SPOUT1: variants seen among roughly 807,000 people sequenced by gnomAD.
SPOUT1 encodes SPOUT domain containing methyltransferase 1.
Under a neutral mutation model 54.8 loss-of-function variants are expected in SPOUT1, and 40 were observed. That is an observed-to-expected ratio of 0.73 (90% CI 0.57 to 0.95). The LOEUF is 0.95. SPOUT1 is among the 40% of genes least tolerant of loss of function. SPOUT1 has a pLI of 0.00. For synonymous variants in SPOUT1, 193 were observed against 200.3 expected (o/e 0.96, Z 0.31); for missense variants, 437 against 499.5 (o/e 0.87, Z 1.19).
chr9:128,820,615 T>C lies in SPOUT1; in HGVS notation c.*2150A>G. 1 of 768,792 alleles carries C rather than the reference T, an allele frequency of 1.3e-6. No individual in the cohort carries two copies. Among genetic ancestry groups the C allele is most frequent in the Non-Finnish European group, 2.2e-6 (1 of 462,710 alleles). The allele number at this position is 768,792 out of a possible 1,614,324, so 47.6% of individuals were successfully genotyped here. A position where few individuals can be genotyped will look rare whatever the true frequency, so the allele number is the denominator to read the frequency against. ...TGACTTTCATTCCTTGAGCCTCAGT[T>C]TCCCCCCGCTTGTCTCACTGGATAT... On this transcript the variant is annotated 3_prime_UTR_variant, in exon 12 of 12. Coordinates refer to ENST00000361256, the MANE Select transcript of SPOUT1 (RefSeq NM_016390.4).
chr9:128,823,579 C>T lies in SPOUT1; in HGVS notation c.1062+168G>A, dbSNP rs573699150. Among the ~76,000 whole-genome samples the T allele has an allele frequency of 2.0e-5, 3 of 152,276 alleles. No homozygotes were observed. In the South Asian group the frequency reaches 6.2e-4, roughly 32 times the overall value. ...ACTAGCACCCATGGTTGACTCCCAG[C>T]TACACTCATGTCTCGTCGCTGTGGC... On this transcript the variant is annotated intron_variant, in intron 11 of 11. Coordinates refer to ENST00000361256, the MANE Select transcript of SPOUT1 (RefSeq NM_016390.4).
chr9:128,823,518 C>A (rs1478344060), intron 11 of SPOUT1, among the ~76,000 whole-genome samples: 1 of 152,118 alleles, frequency 6.6e-6, no homozygotes, highest in Non-Finnish European at 1.5e-5. Context: ...TGGGCAGGGC[C>A]CCCTGGGTCA....
rs1229083175 is a variant in SPOUT1, at chr9:128,829,159, G to C, written c.37-4C>G. The C allele has an allele frequency of 5.0e-6, 8 of 1,613,460 alleles. No individual in the cohort carries two copies. Among genetic ancestry groups the C allele is most frequent in the Non-Finnish European group, 6.8e-6 (8 of 1,179,386 alleles). Reference sequence around the variant, plus strand: ...CAATCCTTTGGCCGTGTTCACCCTGGAGAAGGAGTGGTAGGAGGATTATGA... The same window carrying C: ...CAATCCTTTGGCCGTGTTCACCCTGCAGAAGGAGTGGTAGGAGGATTATGA... On this transcript the variant is annotated splice_polypyrimidine_tract_variant and splice_region_variant and intron_variant, in intron 1 of 11. Transcript: ENST00000361256.
intron 3 of SPOUT1, 60 bp from the exon 4 acceptor site, chr9:128,827,251 T>G: frequency 6.7e-7 from 1 of 1,484,014 alleles, no homozygotes; most frequent in Non-Finnish European, 9.2e-7. Context: ...TACCTTTCTC[T>G]CCCTTCCTCT....
chr9:128,824,946 C>T, intron 8 of SPOUT1, 31 bp downstream of exon 8: 2 of 1,604,898 alleles, frequency 1.2e-6, no homozygotes, highest in Non-Finnish European at 1.7e-6. Context: ...CTCATCAGGC[C>T]AACCCAGGGG....
Position 128,824,789 on chromosome 9 carries a change from G to A in SPOUT1, c.793C>T (p.Arg265Ter), listed in dbSNP as rs1450400943. 3.1e-6 allele frequency: 5 copies of A among 1,613,150 alleles called. No individual in the cohort carries two copies. Among genetic ancestry groups the A allele is most frequent in the Non-Finnish European group, 3.4e-6 (4 of 1,179,134 alleles). The change falls in exon 9 of 12, where the codon CGA becomes TGA. Residue 265 changes from arginine to a stop codon, truncating the protein, a stop_gained. Transcript: ENST00000361256. LOFTEE classifies it high-confidence loss of function. The stretch of plus-strand genomic sequence containing the variant: ...TCCTTACTGAGGCAGGAAGCCAGTC[G>A]GACGGTGTAGCCCCAGTAGAGACCA... ...KAGLYWGYTV[R>*]LASCLSAVFA...
intron 9 of SPOUT1, among the ~76,000 whole-genome samples, chr9:128,824,388 G>A (rs1830196845): frequency 6.6e-6 from 1 of 151,942 alleles, no homozygotes; most frequent in Non-Finnish European, 1.5e-5. Context: ...AGCAGGGGTG[G>A]GTAGAGCTGT....
At position 128,829,012 on chromosome 9, in the gene SPOUT1, A is replaced by G. The variant is rs1486867482; in HGVS notation, c.82+98T>C. 1.0e-5 allele frequency: 15 copies of G among 1,495,334 alleles called. No homozygotes were observed. The South Asian group carries it at 1.5e-4, about 15-fold the overall frequency. 92.6% of individuals were successfully genotyped at this position (1,495,334 alleles called of 1,614,324 possible). Reference sequence around the variant, plus strand: ...CCTGCCTCCCCACTTTGTGTGCTGCAGGACCCAGAGGGAACAAAGTTGGTG... The same window carrying G: ...CCTGCCTCCCCACTTTGTGTGCTGCGGGACCCAGAGGGAACAAAGTTGGTG... On this transcript the variant is annotated intron_variant, in intron 2 of 11. Transcript: ENST00000361256.
At chr9:128,827,318 A>G in intron 3 of SPOUT1, 127 bp from the exon 4 acceptor site, 1 of 812,588 alleles carries the variant, frequency 1.2e-6, no homozygotes, top group East Asian at 2.7e-5. Flanking sequence ...TGAGATGAGC[A>G]AAATAGATCC....
chr9:128,828,641 T>C, intron 3 of SPOUT1, 94 bp downstream of exon 3: 1 of 1,373,628 alleles, frequency 7.3e-7, no homozygotes, highest in Non-Finnish European at 1.0e-6. Context: ...CCTACTGGTC[T>C]GTAAAGGCCC....
chr9:128,822,949 TTAG>T (rs1217587079), intron 11 of SPOUT1, 116 bp from the exon 12 acceptor site: 4 of 709,774 alleles, frequency 5.6e-6, no homozygotes, highest in South Asian at 5.5e-5. Context: ...TCCCCTGTCC[TTAG>T]TAGGGCCTGG....
In SPOUT1 at chr9:128,829,159, GAGA is replaced by G. The variant is rs768693421; in HGVS notation, c.37-7_37-5del. 2.9e-5 allele frequency: 46 copies of G among 1,613,340 alleles called. No individual in the cohort carries two copies. The highest frequency in any genetic ancestry group is 5.3e-5 in the African/African-American group (4 of 74,932). On this transcript the variant is annotated splice_region_variant and splice_polypyrimidine_tract_variant and intron_variant, in intron 1 of 11. Transcript: ENST00000361256. ...CAATCCTTTGGCCGTGTTCACCCTGGAGAAGGAGTGGTAGGAGGATTATGAGTG... is the reference window on the plus strand; with the variant it reads ...CAATCCTTTGGCCGTGTTCACCCTGGAGGAGTGGTAGGAGGATTATGAGTG...
At chr9:128,827,553 G>C (rs1450047951) in intron 3 of SPOUT1, among the ~76,000 whole-genome samples, 3 of 152,220 alleles carry the variant, frequency 2.0e-5, no homozygotes, top group Admixed American at 6.5e-5. Flanking sequence ...CCATTAACCT[G>C]ATCCCTAGTG....
intron 2 of SPOUT1, 118 bp from the exon 3 acceptor site, chr9:128,828,978 C>T (rs905849000): frequency 2.6e-6 from 4 of 1,523,242 alleles, no homozygotes; most frequent in Non-Finnish European, 3.6e-6. Flanking sequence ...CTCCCCAGGG[C>T]TCCCGGCCCC....
rs1211553231 is a variant in SPOUT1 at position 128,823,903 on chromosome 9, T to C, written c.915-9A>G. On this transcript the variant is annotated splice_polypyrimidine_tract_variant and intron_variant, in intron 10 of 11. Transcript: ENST00000361256. ...ACACCACAAGAGCATGCCTGGCCCA[T>C]GTAAGAGGGGGTCACCTGAGCGGCC... 11 of 1,612,302 alleles carry C rather than the reference T, an allele frequency of 6.8e-6. No individual in the cohort carries two copies. The highest frequency in any genetic ancestry group is 2.2e-5 in the East Asian group (1 of 44,854).
intron 2 of SPOUT1, 75 bp downstream of exon 2, chr9:128,829,035 G>T: frequency 6.6e-7 from 1 of 1,519,830 alleles, no homozygotes; most frequent in East Asian, 2.3e-5. Flanking sequence ...AACAAAGTTG[G>T]TGTCTTTCTC....
rs369241135 is a variant in SPOUT1 at position 128,822,591 on chromosome 9, T to G, written c.*174A>C. The stretch of plus-strand genomic sequence containing the variant: ...GCGCGGGCAGGCAGCCTCAAGGCCA[T>G]CACGGCGGGCAGTAAGTGAGGGTGG... On this transcript the variant is annotated 3_prime_UTR_variant, in exon 12 of 12. Coordinates refer to ENST00000361256, the MANE Select transcript of SPOUT1 (RefSeq NM_016390.4). 1 of 1,569,696 alleles carries G rather than the reference T, an allele frequency of 6.4e-7. No individual in the cohort carries two copies.
Position 128,821,931 on chromosome 9 carries a change from G to A in SPOUT1, c.*834C>T, listed in dbSNP as rs543676642. The A allele has an allele frequency of 9.2e-5, 20 of 217,126 alleles. No homozygotes were observed. Among genetic ancestry groups the A allele is most frequent in the African/African-American group, 4.1e-4 (18 of 43,480 alleles). The allele number at this position is 217,126 out of a possible 1,614,324, so 13.4% of individuals were successfully genotyped here. ...GAGACTCTGCTGAGGGGGAGCCCCC[G>A]TCCGGTGTCCTGGCACCTGTGCTGG... On this transcript the variant is annotated 3_prime_UTR_variant, in exon 12 of 12. Coordinates refer to ENST00000361256, the MANE Select transcript of SPOUT1 (RefSeq NM_016390.4).
intron 11 of SPOUT1, among the ~76,000 whole-genome samples, chr9:128,823,414 T>TG (rs1400408970): frequency 2.6e-5 from 4 of 152,134 alleles, no homozygotes; most frequent in Non-Finnish European, 5.9e-5. Flanking sequence ...AGAGCTGCTG[T>TG]GCCCACCGTG....
Sources: gnomAD v4.1 joint callset for allele counts (sites outside exome capture counted in the v4.1 genomes callset) on GRCh38, gnomAD v4.1.1 for gene constraint, MANE v1.5 for transcripts, NCBI Gene and HGNC (gene_info 2026-07-23, HGNC 2026-07-21) for gene names.